MAGI2: variants seen among roughly 807,000 people sequenced by gnomAD.
The protein encoded by MAGI2 is membrane-associated guanylate kinase, WW and PDZ domain-containing protein 2.
Under a neutral mutation model 133.3 loss-of-function variants are expected in MAGI2, and 35 were observed. The observed-to-expected ratio is 0.26, with a 90% CI of 0.20 to 0.35. The LOEUF (loss-of-function observed/expected upper bound fraction) is 0.35, where lower values mean the gene tolerates loss of function less well. Among genes scored for constraint, MAGI2 ranks in the 10% least tolerant of loss-of-function variants. The pLI, the probability that MAGI2 is intolerant of heterozygous loss-of-function variation, is 1.00. For missense variants in MAGI2, 1,636 were observed against 1,863.4 expected (o/e 0.88, Z 2.25); for synonymous variants, 729 against 710.6 (o/e 1.03, Z -0.41).
intron 10 of MAGI2, among the ~76,000 whole-genome samples, chr7:78,204,253 C>T (rs1047181448): frequency 1.3e-5 from 2 of 152,192 alleles, no homozygotes; most frequent in Admixed American, 1.3e-4. Flanking sequence ...GCCTTTGCTG[C>T]TTGCCTCACA....
At chr7:78,516,153 C>T (rs892382206) in intron 4 of MAGI2, among the ~76,000 whole-genome samples, 1 of 152,128 alleles carries the variant, frequency 6.6e-6, no homozygotes, top group Non-Finnish European at 1.5e-5. Flanking sequence ...TGGGAATGGT[C>T]TGATCACACA....
At chr7:78,146,148 C>A (rs1384243065) in intron 16 of MAGI2, among the ~76,000 whole-genome samples, 1 of 151,470 alleles carries the variant, frequency 6.6e-6, no homozygotes, top group Non-Finnish European at 1.5e-5. Flanking sequence ...TTGTTTTATT[C>A]CATTCTGTCC....
intron 3 of MAGI2, among the ~76,000 whole-genome samples, chr7:78,575,896 C>G (rs902933844): frequency 1.3e-5 from 2 of 151,944 alleles, no homozygotes; most frequent in African/African-American, 4.8e-5. Context: ...TAGGTAAAAA[C>G]AAAAGAAATG....
chr7:79,292,770 C>CAAAATAAAAAAAAA (rs1836600287), intron 1 of MAGI2, among the ~76,000 whole-genome samples: 1 of 57,396 alleles, frequency 1.7e-5, no homozygotes, highest in Non-Finnish European at 3.2e-5. Flanking sequence ...TCAATTTCTG[C>CAAAATAAAAAAAAA]AAAAAAAAAA....
chr7:78,274,628 A>G (rs1256607260), intron 9 of MAGI2, among the ~76,000 whole-genome samples: 1 of 151,110 alleles, frequency 6.6e-6, no homozygotes, highest in Non-Finnish European at 1.5e-5. Context: ...TTTTTTAGAG[A>G]TGCCCTGCCC....
rs76067333 is a variant in MAGI2 at position 78,611,928 on chromosome 7, A to G, written c.538+15192T>C. Among the ~76,000 whole-genome samples the G allele has an allele frequency of 2.6e-3, 389 of 152,322 alleles. 1 individual carries two copies. The highest frequency in any genetic ancestry group is 8.8e-3 in the African/African-American group (365 of 41,566). On this transcript the variant is annotated intron_variant, in intron 3 of 21. Coordinates refer to ENST00000354212, the MANE Select transcript of MAGI2 (RefSeq NM_012301.4). ...ACTGGACCACTCCAACTACCCCCAGAAGCTTCTGTCTATAATCCAAACTCC... is the reference window on the plus strand; with the variant it reads ...ACTGGACCACTCCAACTACCCCCAGGAGCTTCTGTCTATAATCCAAACTCC...
chr7:78,928,170 C>G (rs1036366404), intron 2 of MAGI2, among the ~76,000 whole-genome samples: 1 of 151,816 alleles, frequency 6.6e-6, no homozygotes, highest in Admixed American at 6.6e-5. Flanking sequence ...ACAAATAGTT[C>G]CTTCCACAGG....
intron 6 of MAGI2, among the ~76,000 whole-genome samples, chr7:78,419,160 C>T (rs2151396440): frequency 6.6e-6 from 1 of 152,306 alleles, no homozygotes; most frequent in Non-Finnish European, 1.5e-5. Context: ...GGCCCCTCAT[C>T]TAATTCTTAA....
chr7:78,607,400 G>A lies in MAGI2; in HGVS notation c.538+19720C>T, dbSNP rs563590599. Among the ~76,000 whole-genome samples, 384 of 151,802 alleles carry A rather than the reference G, an allele frequency of 2.5e-3. 1 individual carries two copies. Among genetic ancestry groups the A allele is most frequent in the African/African-American group, 8.6e-3 (357 of 41,374 alleles). ...TGGTAGGGTCCAGTTTCCGCGGCTGGCAGGCCCAGTAGTTGTTAGAAGTCA... is the reference window on the plus strand; with the variant it reads ...TGGTAGGGTCCAGTTTCCGCGGCTGACAGGCCCAGTAGTTGTTAGAAGTCA... On this transcript the variant is annotated intron_variant, in intron 3 of 21. Coordinates refer to ENST00000354212, the MANE Select transcript of MAGI2 (RefSeq NM_012301.4).
intron 1 of MAGI2, among the ~76,000 whole-genome samples, chr7:79,325,497 A>G (rs1222451058): frequency 6.6e-6 from 1 of 152,116 alleles, no homozygotes; most frequent in East Asian, 1.9e-4. Flanking sequence ...GATAAAACCA[A>G]TAGGTGTATC....
intron 2 of MAGI2, among the ~76,000 whole-genome samples, chr7:78,730,678 TA>T (rs1399835304): frequency 6.6e-6 from 1 of 152,160 alleles, no homozygotes; most frequent in Non-Finnish European, 1.5e-5. Flanking sequence ...AGTTGACTTT[TA>T]AGGCAATACA....
At chr7:79,419,835 A>C in intron 1 of MAGI2, among the ~76,000 whole-genome samples, 1 of 152,176 alleles carries the variant, frequency 6.6e-6, no homozygotes, top group South Asian at 2.1e-4. Context: ...CTGATGACAT[A>C]AAACATAAAT....
At chr7:78,507,600 C>G (rs968365938) in intron 4 of MAGI2, among the ~76,000 whole-genome samples, 1 of 152,044 alleles carries the variant, frequency 6.6e-6, no homozygotes, top group Non-Finnish European at 1.5e-5. Flanking sequence ...CAACTCTGAG[C>G]AACTATATAG....
intron 1 of MAGI2, among the ~76,000 whole-genome samples, chr7:79,028,237 A>ATATATATATATATATG (rs1810121950): frequency 1.0e-4 from 3 of 28,674 alleles, no homozygotes; most frequent in Non-Finnish European, 2.1e-4. Context: ...ATATGTATGT[A>ATATATATATATATATG]TATATATATA....
chr7:78,917,424 C>T (rs1236250673), intron 2 of MAGI2, among the ~76,000 whole-genome samples: 1 of 151,894 alleles, frequency 6.6e-6, no homozygotes, highest in African/African-American at 2.4e-5. Context: ...AGGAGTGGGC[C>T]AACTGGATAG....
chr7:78,139,936 T>A (rs3807708), intron 16 of MAGI2, among the ~76,000 whole-genome samples: 129,593 of 152,208 alleles, frequency 0.85, 55,317 homozygotes, highest in Non-Finnish European at 0.87. Context: ...TGCTCAATGT[T>A]CCACACTGTT....
At chr7:78,760,498 G>A (rs1187622277) in intron 2 of MAGI2, among the ~76,000 whole-genome samples, 1 of 151,634 alleles carries the variant, frequency 6.6e-6, no homozygotes. Flanking sequence ...GAGTAGCTGG[G>A]GTTACAGATA....
chr7:78,374,853 T>G (rs1794285937), intron 6 of MAGI2, among the ~76,000 whole-genome samples: 1 of 152,104 alleles, frequency 6.6e-6, no homozygotes, highest in Non-Finnish European at 1.5e-5. Flanking sequence ...TTGATTTTTT[T>G]TTTTGAGACA....
chr7:78,512,109 C>G (rs76930709), intron 4 of MAGI2, among the ~76,000 whole-genome samples: 5,158 of 144,332 alleles, frequency 0.036, 296 homozygotes, highest in African/African-American at 0.12. Flanking sequence ...GGTGATGGAG[C>G]GAGACTTCGT....
Sources: allele counts gnomAD v4.1 joint callset (sites outside exome capture counted in the v4.1 genomes callset), GRCh38; gene constraint gnomAD v4.1.1; transcripts MANE v1.5; gene names NCBI Gene and HGNC (gene_info 2026-07-23, HGNC 2026-07-21).